OR14A2: variants seen among roughly 807,000 people sequenced by gnomAD.
OR14A2 encodes the protein olfactory receptor 14A2.
For missense variants in OR14A2, 237 were observed against 152.9 expected (o/e 1.55, Z -2.90); for synonymous variants, 114 against 58.6 (o/e 1.95, Z -4.32).
At chr1:247,739,340 C>T in the OR14A2 span, 2 of 780,674 alleles carry the variant, frequency 2.6e-6, no homozygotes, top group Admixed American at 1.7e-5. Flanking sequence ...GTGTGCCTCA[C>T]CTCATTGTTG....
the OR14A2 span, among the ~76,000 whole-genome samples, chr1:247,733,976 G>A: frequency 1.3e-5 from 2 of 152,062 alleles, no homozygotes; most frequent in African/African-American, 4.8e-5. Flanking sequence ...AAATAAGGCT[G>A]TTACATGGTA....
the OR14A2 span, among the ~76,000 whole-genome samples, chr1:247,739,821 T>C: frequency 6.6e-6 from 1 of 152,218 alleles, no homozygotes; most frequent in East Asian, 1.9e-4. Flanking sequence ...GCAATTATCA[T>C]GTCTCGGCTT....
chr1:247,738,843 C>T, the OR14A2 span: 1 of 780,584 alleles, frequency 1.3e-6, no homozygotes, highest in Non-Finnish European at 2.4e-6. Context: ...TGCCACAGTC[C>T]CCAAATCCAT....
the OR14A2 span, among the ~76,000 whole-genome samples, chr1:247,743,255 C>T: frequency 6.6e-6 from 1 of 152,068 alleles, no homozygotes; most frequent in Non-Finnish European, 1.5e-5. Context: ...ACCCATGGCA[C>T]TCCTCTCTGG....
chr1:247,739,513 G>A, the OR14A2 span: 1 of 780,782 alleles, frequency 1.3e-6, no homozygotes, highest in Admixed American at 1.7e-5. Flanking sequence ...TCCGCTCTGA[G>A]TAAAGTCCTG....
At chr1:247,738,149 T>C in the OR14A2 span, among the ~76,000 whole-genome samples, 2 of 152,076 alleles carry the variant, frequency 1.3e-5, no homozygotes, top group African/African-American at 4.8e-5. Context: ...TAAATTAGAG[T>C]ATCACCTGAG....
chr1:247,723,241 A>C (rs1170104331), exon 1 of OR14A2: 1 of 573,532 alleles, frequency 1.7e-6, no homozygotes, highest in African/African-American at 2.3e-5. Context: ...CAGCCTGTCA[A>C]TAACAGATGG....
At chr1:247,732,218 C>T in the OR14A2 span, among the ~76,000 whole-genome samples, 1,258 of 152,080 alleles carry the variant, frequency 8.3e-3, 16 homozygotes, top group African/African-American at 0.029. Context: ...TTATAGTCCC[C>T]AGTCTTCTCT....
At chr1:247,731,627 A>G in the OR14A2 span, among the ~76,000 whole-genome samples, 46 of 151,952 alleles carry the variant, frequency 3.0e-4, no homozygotes, top group Non-Finnish European at 5.3e-4. Context: ...TCTATCTTCA[A>G]TGTACTTACT....
the OR14A2 span, among the ~76,000 whole-genome samples, chr1:247,742,781 C>T: frequency 2.0e-5 from 3 of 151,796 alleles, no homozygotes; most frequent in Non-Finnish European, 4.4e-5. Context: ...CAGGAGGATA[C>T]AAAGATGGGG....
At chr1:247,738,589 C>T in the OR14A2 span, 3 of 752,850 alleles carry the variant, frequency 4.0e-6, no homozygotes, top group African/African-American at 3.4e-5. Flanking sequence ...TTCCTTTACT[C>T]CATAGGGCGC....
chr1:247,733,633 C>T, the OR14A2 span, among the ~76,000 whole-genome samples: 1 of 152,050 alleles, frequency 6.6e-6, no homozygotes. Flanking sequence ...TTGCAATACT[C>T]TTTTTGAATA....
upstream of OR14A2, among the ~76,000 whole-genome samples, chr1:247,725,993 C>T (rs1171156526): frequency 6.2e-5 from 9 of 144,220 alleles, no homozygotes; most frequent in South Asian, 2.2e-4. Context: ...AGTAAACATA[C>T]GTGTGCATGT....
the OR14A2 span, among the ~76,000 whole-genome samples, chr1:247,741,979 T>C: frequency 6.6e-6 from 1 of 152,224 alleles, no homozygotes; most frequent in Admixed American, 6.5e-5. Context: ...TTTACAGTGA[T>C]GATACAGATG....
At chr1:247,738,676 T>C in the OR14A2 span, 1 of 780,820 alleles carries the variant, frequency 1.3e-6, no homozygotes, top group Non-Finnish European at 2.4e-6. Flanking sequence ...AATTGGGTGC[T>C]CCTGAGGCTG....
chr1:247,723,696 C>T (rs1163181684), exon 1 of OR14A2: 8 of 718,436 alleles, frequency 1.1e-5, no homozygotes, highest in Non-Finnish European at 1.8e-5. Context: ...GGTCATAGGA[C>T]ATGGCAGTGA....
At chr1:247,727,994 A>T (rs1479550244), upstream of OR14A2, among the ~76,000 whole-genome samples, 6 of 145,180 alleles carry the variant, frequency 4.1e-5, no homozygotes, top group Non-Finnish European at 9.0e-5. Flanking sequence ...TACCAGAGGT[A>T]CAAGGAGGAA....
chr1:247,727,596 G>T (rs1242525053), upstream of OR14A2, among the ~76,000 whole-genome samples: 965 of 148,334 alleles, frequency 6.5e-3, 8 homozygotes, highest in African/African-American at 0.022. Context: ...AGGAAATAGA[G>T]ACACAAAAAA....
chr1:247,723,183 G>C (rs1390684277), exon 1 of OR14A2: 1 of 717,740 alleles, frequency 1.4e-6, no homozygotes, highest in East Asian at 2.7e-5. Flanking sequence ...GCAGGCTGTA[G>C]GTTACAGGGT....
Sources: allele counts gnomAD v4.1 joint callset (sites outside exome capture counted in the v4.1 genomes callset), GRCh38; gene constraint gnomAD v4.1.1; transcripts MANE v1.5; gene names NCBI Gene and HGNC (gene_info 2026-07-23, HGNC 2026-07-21).